TPR: variants seen among roughly 807,000 people sequenced by gnomAD.
The protein encoded by TPR is nucleoprotein TPR.
In TPR, 51 loss-of-function variants were observed where a neutral mutation model predicts 316.1. The observed-to-expected ratio is 0.16, with a 90% CI of 0.13 to 0.20. The LOEUF (loss-of-function observed/expected upper bound fraction) is 0.20, where lower values mean the gene tolerates loss of function less well. Among genes scored for constraint, TPR ranks in the 10% least tolerant of loss-of-function variants. The pLI is 1.00. For missense variants in TPR, 2,272 were observed against 2,754.8 expected (o/e 0.82, Z 3.92); for synonymous variants, 981 against 914.7 (o/e 1.07, Z -1.31).
At chr1:186,363,477 A>G in intron 4 of TPR, 32 bp from the exon 5 acceptor site, 2 of 1,390,904 alleles carry the variant, frequency 1.4e-6, no homozygotes, top group Non-Finnish European at 2.0e-6. Flanking sequence ...AAAAATAATA[A>G]CTAATTAACA....
chr1:186,356,439 G>C lies in TPR; in HGVS notation c.1735C>G (p.Leu579Val), dbSNP rs1659031135. The change falls in exon 15 of 51, where the codon CTT becomes GTT. Residue 579 changes from leucine to valine, a missense_variant. This residue lies in a region of TPR where 757 missense variants were observed against 859.8 expected (regional missense o/e 0.88). Coordinates refer to ENST00000367478, the MANE Select transcript of TPR (RefSeq NM_003292.3). Reference sequence around the variant, plus strand: ...AGGGCACTCTCAAGTTTGAGCTGAAGCTCAGTGATTCTGTAGAAAAAGTCG... The same window carrying C: ...AGGGCACTCTCAAGTTTGAGCTGAACCTCAGTGATTCTGTAGAAAAAGTCG... ...QETTSSKITE[L>V]QLKLESALTE... 1.2e-6 allele frequency: 2 copies of C among 1,608,050 alleles called. No homozygotes were observed. The highest frequency in any genetic ancestry group is 1.3e-5 in the African/African-American group (1 of 74,842).
Position 186,351,472 on chromosome 1 carries a change from T to A in TPR, c.2470-2A>T. ...TGTTTCAGATCGCTCCAGTATTCCC[T>A]AAAGCAAAGAAAAGATTTTTGGTTA... On this transcript the variant is annotated splice_acceptor_variant, in intron 19 of 50. Transcript: ENST00000367478. LOFTEE classifies it high-confidence loss of function. The A allele has an allele frequency of 6.4e-7, 1 of 1,564,030 alleles. No individual in the cohort carries two copies. Among genetic ancestry groups the A allele is most frequent in the Non-Finnish European group, 8.6e-7 (1 of 1,162,378 alleles).
chr1:186,320,438 T>C lies in TPR; in HGVS notation c.6462-20A>G. ...GGCGAACTAAATGGACAAAAACTAA[T>C]TTAAGATGAAATTTAAAGTTAACCT... is the stretch of plus-strand genomic sequence containing the variant. On this transcript the variant is annotated intron_variant, in intron 45 of 50. Coordinates refer to ENST00000367478, the MANE Select transcript of TPR (RefSeq NM_003292.3). The C allele has an allele frequency of 6.3e-7, 1 of 1,586,930 alleles. No homozygotes were observed. The highest frequency in any genetic ancestry group is 8.6e-7 in the Non-Finnish European group (1 of 1,164,702).
intron 23 of TPR, among the ~76,000 whole-genome samples, 174 bp from the exon 24 acceptor site, chr1:186,345,870 T>A (rs2101969440): frequency 6.6e-6 from 1 of 152,280 alleles, no homozygotes; most frequent in Non-Finnish European, 1.5e-5. Context: ...CAACTCCATA[T>A]CCATTCCCTA....
chr1:186,315,532 C>T (rs985536407), intron 49 of TPR, among the ~76,000 whole-genome samples: 1 of 152,054 alleles, frequency 6.6e-6, no homozygotes, highest in African/African-American at 2.4e-5. Flanking sequence ...CTCACCTAAG[C>T]CATTACTATC....
At chr1:186,322,488 A>G in intron 44 of TPR, 30 bp downstream of exon 44, 3 of 1,613,676 alleles carry the variant, frequency 1.9e-6, no homozygotes, top group Non-Finnish European at 2.5e-6. Flanking sequence ...CAAGAAATGA[A>G]TTACTTTTAC....
intron 39 of TPR, among the ~76,000 whole-genome samples, chr1:186,330,189 G>A (rs144085783): frequency 1.6e-4 from 25 of 152,226 alleles, no homozygotes; most frequent in African/African-American, 3.9e-4. Context: ...AAAGTTACCC[G>A]TAGGTCAAGG....
intron 42 of TPR, among the ~76,000 whole-genome samples, chr1:186,325,064 A>G (rs1397670915): frequency 3.9e-5 from 6 of 152,136 alleles, no homozygotes; most frequent in Admixed American, 2.0e-4. Context: ...TTTAGTTAAA[A>G]TGAGAATATA....
chr1:186,343,359 T>C lies in TPR; in HGVS notation c.3717A>G (p.Gln1239=). The change falls in exon 27 of 51, where the codon CAA becomes CAG. Residue 1239 remains glutamine, a synonymous_variant. Transcript: ENST00000367478. ...TCTCCCTTTCAGCATTTAGACTATCTTGCAGTTCCTGCAGCTCTCTTTCTA... is the reference window on the plus strand; with the variant it reads ...TCTCCCTTTCAGCATTTAGACTATCCTGCAGTTCCTGCAGCTCTCTTTCTA... ...ELLERELQEL[Q]DSLNAEREKV... is the part of the protein sequence containing the mutation. 6.2e-7 allele frequency: 1 copy of C among 1,614,032 alleles called. No homozygotes were observed.
intron 14 of TPR, 139 bp from the exon 15 acceptor site, chr1:186,356,588 G>C (rs573164731): frequency 1.3e-6 from 1 of 776,760 alleles, no homozygotes; most frequent in African/African-American, 1.7e-5. Context: ...TTCATGCTGA[G>C]TATTTTATGA....
rs960297579 is a variant in TPR at position 186,360,170 on chromosome 1, T to C, written c.1191+103A>G. On this transcript the variant is annotated intron_variant, in intron 11 of 50. Transcript: ENST00000367478. ...CTTTCCTAGAATGATCCACTAATTA[T>C]AAGATGATTTTAAAAATAAGTTTTG... The C allele has an allele frequency of 1.2e-5, 17 of 1,384,356 alleles. No individual in the cohort carries two copies. The Admixed American group carries it at 2.1e-4, about 17-fold the overall frequency. The allele number at this position is 1,384,356 out of a possible 1,614,324, so 85.8% of individuals were successfully genotyped here. A position where few individuals can be genotyped will look rare whatever the true frequency, so the allele number is the denominator to read the frequency against.
intron 4 of TPR, among the ~76,000 whole-genome samples, chr1:186,366,758 C>G (rs1457087387): frequency 1.3e-5 from 2 of 152,024 alleles, no homozygotes; most frequent in East Asian, 3.9e-4. Flanking sequence ...ATCCAAAGAC[C>G]TATTAAAATT....
chr1:186,343,409 G>A lies in TPR; in HGVS notation c.3667C>T (p.Arg1223Cys), dbSNP rs1162887657. The part of the protein sequence containing the change: ...RFEVAQVESL[R>C]YRQRVELLER... ...AAAAGTTCAACCCTTTGTCGATAAC[G>A]CAGACTCTCAACCTGAGCCACCTCA... The change falls in exon 27 of 51, where the codon CGT (arginine) becomes TGT (cysteine). Residue 1223 changes from arginine (R) to cysteine (C), a missense_variant. Physicochemically the swap from Arg to Cys is radical, Grantham distance 180. Coordinates refer to ENST00000367478, the MANE Select transcript of TPR (RefSeq NM_003292.3). 6.2e-7 allele frequency: 1 copy of A among 1,613,976 alleles called. No homozygotes were observed. Among genetic ancestry groups the A allele is most frequent in the South Asian group, 1.1e-5 (1 of 91,074 alleles).
At position 186,312,084 on chromosome 1, in the gene TPR, T is replaced by C. The variant is rs183724342; in HGVS notation, c.*1887A>G. ...TATATGAAAAATGAGAACAAAACTGTTTCCTATACATTGTAAAAGTTGTTT... is the reference window on the plus strand; with the variant it reads ...TATATGAAAAATGAGAACAAAACTGCTTCCTATACATTGTAAAAGTTGTTT... On this transcript the variant is annotated 3_prime_UTR_variant, in exon 51 of 51. Coordinates refer to ENST00000367478, the MANE Select transcript of TPR (RefSeq NM_003292.3). The C allele has an allele frequency of 4.7e-4, 496 of 1,053,180 alleles. 1 individual carries two copies. In the African/African-American group the frequency reaches 6.7e-3, roughly 14 times the overall value. The allele number at this position is 1,053,180 out of a possible 1,614,324, so 65.2% of individuals were successfully genotyped here.
At chr1:186,359,203 T>A (rs2101982662) in intron 12 of TPR, among the ~76,000 whole-genome samples, 1 of 152,246 alleles carries the variant, frequency 6.6e-6, no homozygotes, top group African/African-American at 2.4e-5. Flanking sequence ...TTTCCCTCAG[T>A]AATGTTAATA....
rs980586384 is a variant in TPR at position 186,317,718 on chromosome 1, A to T, written c.6822-118T>A. The T allele has an allele frequency of 2.5e-5, 21 of 832,446 alleles. 1 individual carries two copies. The African/African-American group carries it at 3.3e-4, about 13-fold the overall frequency. The allele number at this position is 832,446 out of a possible 1,614,324, so 51.6% of individuals were successfully genotyped here. A position where few individuals can be genotyped will look rare whatever the true frequency, so the allele number is the denominator to read the frequency against. On this transcript the variant is annotated intron_variant, in intron 48 of 50. Transcript: ENST00000367478. ...AATCCAGAGCTCCCTTAAACAAAAA[A>T]TTATAGACTGATTTGGTTACCATAT...
intron 30 of TPR, among the ~76,000 whole-genome samples, chr1:186,339,187 A>G (rs551451421): frequency 5.9e-4 from 90 of 152,178 alleles, no homozygotes; most frequent in Admixed American, 3.8e-3. Flanking sequence ...CCCAGCACTT[A>G]GGGAGGCAGA....
rs61369492 is a variant in TPR at position 186,365,102 on chromosome 1, C to CTTTT, written c.428-1661_428-1658dup. 8.6e-4 allele frequency among the ~76,000 whole-genome samples: 118 copies of CTTTT among 137,180 alleles called. 8 individuals carry two copies. The highest frequency in any genetic ancestry group is 1.6e-3 in the African/African-American group (60 of 37,288). The allele number at this position is 137,180 out of a possible 152,430, so 90.0% of individuals were successfully genotyped here. ...GTACCTTGCTAGTAAAGGGGCTGCC[C>CTTTT]TTTTTTTTTTTTGGAGACAGTCTCG... On this transcript the variant is annotated intron_variant, in intron 4 of 50. Coordinates refer to ENST00000367478, the MANE Select transcript of TPR (RefSeq NM_003292.3).
At chr1:186,348,781 T>C (rs988413577) in intron 21 of TPR, among the ~76,000 whole-genome samples, 12 of 152,184 alleles carry the variant, frequency 7.9e-5, no homozygotes, top group Non-Finnish European at 1.5e-4. Flanking sequence ...CTCCCAATAA[T>C]TAAACATTAT....
Sources: gnomAD v4.1 joint callset for allele counts (sites outside exome capture counted in the v4.1 genomes callset) on GRCh38, gnomAD v4.1.1 for gene constraint, gnomAD v4.1.1 regional missense constraint, MANE v1.5 for transcripts, NCBI Gene and HGNC (gene_info 2026-07-23, HGNC 2026-07-21) for gene names.